The following INPPL1 variants were observed in gnomAD, a reference collection of about 807,000 sequenced individuals.
INPPL1 encodes phosphatidylinositol 3,4,5-trisphosphate 5-phosphatase 2.
INPPL1 carries 91 observed loss-of-function variants against 139.3 expected under a neutral mutation model. The ratio of observed to expected loss-of-function variants is 0.65; its 90% confidence interval spans 0.55 to 0.78. INPPL1 has a LOEUF of 0.78. INPPL1 is among the 30% of genes least tolerant of loss of function. The probability of loss-of-function intolerance (pLI) is 0.00; values close to 1 mark genes in which losing one functional copy is unlikely to be tolerated. For missense variants in INPPL1, 1,411 were observed against 1,665.6 expected, an observed-to-expected ratio of 0.85 and a Z score of 2.66; for synonymous variants, 719 against 686.6, an observed-to-expected ratio of 1.05 and a Z score of -0.74.
chr11:72,237,161 G>A lies in INPPL1; in HGVS notation c.2917G>A (p.Ala973Thr). Residue 973 changes from alanine (A) to threonine (T), a missense_variant, in exon 26 of 28, where the codon GCG becomes ACG. This residue lies in a region of INPPL1 where 438 missense variants were observed against 425.7 expected (regional missense o/e 1.03). Transcript: ENST00000298229. ...PEGAPEPEGVAAPPPKNSFNN... is the reference protein window; with the variant it reads ...PEGAPEPEGVTAPPPKNSFNN... Reference sequence around the variant, plus strand: ...GGGAGCTCCTGAACCAGAAGGGGTGGCGGCCCCCCCACCCAAGAACAGCTT... The same window carrying A: ...GGGAGCTCCTGAACCAGAAGGGGTGACGGCCCCCCCACCCAAGAACAGCTT... The A allele has an allele frequency of 6.2e-7, 1 of 1,600,924 alleles. No individual in the cohort carries two copies. Among genetic ancestry groups the A allele is most frequent in the African/African-American group, 1.3e-5 (1 of 74,758 alleles).
chr11:72,231,195 G>T lies in INPPL1; in HGVS notation c.1497+6G>T, dbSNP rs113752993. 1.5e-5 allele frequency: 24 copies of T among 1,607,694 alleles called. No individual in the cohort carries two copies. The highest frequency in any genetic ancestry group is 3.3e-5 in the South Asian group (3 of 90,728). ...CGGATCTGGATTACCGCCCGGTGAGGGGGGGTCATCTTGTCCAGGACCCTG... is the reference window on the plus strand; with the variant it reads ...CGGATCTGGATTACCGCCCGGTGAGTGGGGGTCATCTTGTCCAGGACCCTG... On this transcript the variant is annotated splice_donor_region_variant and intron_variant, in intron 12 of 27. Coordinates refer to ENST00000298229, the MANE Select transcript of INPPL1 (RefSeq NM_001567.4).
At position 72,235,388 on chromosome 11, in the gene INPPL1, A is replaced by G. The variant is rs559754144; in HGVS notation, c.2596A>G (p.Ile866Val). The G allele has an allele frequency of 1.2e-6, 2 of 1,614,016 alleles. No homozygotes were observed. Among genetic ancestry groups the G allele is most frequent in the Non-Finnish European group, 1.7e-6 (2 of 1,179,990 alleles). The stretch of plus-strand genomic sequence containing the variant: ...CCACCGTGGCGAGGAGACAGGCAAT[A>G]TCAGAGGCTCCATGAAGGTGCGGGT... ...LSHRGEETGN[I>V]RGSMKVRVPT... is the part of the protein sequence containing the mutation. Residue 866 changes from isoleucine to valine, a missense_variant, in exon 23 of 28, where the codon ATC becomes GTC. By Grantham distance (29) the Ile-to-Val change is conservative. Transcript: ENST00000298229. The surrounding 1 kb of genome is among the most constrained non-coding windows in gnomAD (Gnocchi z 4.9).
Position 72,225,069 on chromosome 11 carries a change from G to A in INPPL1, c.85G>A (p.Ala29Thr), listed in dbSNP as rs1948629791. The change falls in exon 1 of 28, where the codon GCG becomes ACG. Residue 29 changes from alanine to threonine, a missense_variant. Around this residue, in one of 5 missense-constraint regions of INPPL1, gnomAD observed 504 missense variants for 595.6 expected, o/e 0.85. Coordinates refer to ENST00000298229, the MANE Select transcript of INPPL1 (RefSeq NM_001567.4). ...PSWYHRDLSR[A>T]AAEELLARAG... Reference sequence around the variant, plus strand: ...CTGGTACCACCGCGACCTGAGCCGGGCGGCCGCGGAGGAGCTGCTGGCCCG... The same window carrying A: ...CTGGTACCACCGCGACCTGAGCCGGACGGCCGCGGAGGAGCTGCTGGCCCG... 8.1e-7 allele frequency: 1 copy of A among 1,230,542 alleles called. No individual in the cohort carries two copies. Among genetic ancestry groups the A allele is most frequent in the African/African-American group, 1.6e-5 (1 of 64,368 alleles). 76.2% of individuals were successfully genotyped at this position (1,230,542 alleles called of 1,614,324 possible).
rs752364906 is a variant in INPPL1, at chr11:72,234,131, C to T, written c.2213-150C>T. 7.2e-5 allele frequency: 46 copies of T among 638,682 alleles called. No homozygotes were observed. The highest frequency in any genetic ancestry group is 4.0e-4 in the Admixed American group (15 of 37,456). The allele number at this position is 638,682 out of a possible 1,614,324, so 39.6% of individuals were successfully genotyped here. On this transcript the variant is annotated intron_variant, in intron 19 of 27. Coordinates refer to ENST00000298229, the MANE Select transcript of INPPL1 (RefSeq NM_001567.4). This position sits in a 1 kb window ranked among gnomAD's most constrained non-coding sequence, Gnocchi z 4.2. ...CCAGGGTCTGGCCTCTGGAGATTCC[C>T]TGTTGGTGGCTTGGGACTGGGGAGG...
At position 72,229,527 on chromosome 11, in the gene INPPL1, C is replaced by T. The variant is rs760513714; in HGVS notation, c.722C>T (p.Ser241Leu). Residue 241 changes from serine (S) to leucine (L), a missense_variant, in exon 6 of 28, where the codon TCG (serine) becomes TTG (leucine). Around this residue, in one of 5 missense-constraint regions of INPPL1, gnomAD observed 504 missense variants for 595.6 expected, o/e 0.85. Coordinates refer to ENST00000298229, the MANE Select transcript of INPPL1 (RefSeq NM_001567.4). The part of the protein sequence containing the change: ...ILSKVFDQQS[S>L]PMVTRLLQQQ... ...TCCAAGGTGTTTGACCAGCAGAGCT[C>T]GCCCATGGTGACCCGCCTTTTGCAG... 1.9e-6 allele frequency: 3 copies of T among 1,613,994 alleles called. No individual in the cohort carries two copies. Among genetic ancestry groups the T allele is most frequent in the Non-Finnish European group, 2.5e-6 (3 of 1,180,022 alleles).
Position 72,238,297 on chromosome 11 carries a change from G to T in INPPL1, c.3721G>T (p.Val1241Leu). ...ITEEDLEEAGVQDPAHKRLLL... is the reference protein window; with the variant it reads ...ITEEDLEEAGLQDPAHKRLLL... ...CGAGGAGGACTTGGAGGAGGCTGGG[G>T]TGCAGGACCCGGCTCACAAGCGCCT... is the stretch of plus-strand genomic sequence containing the variant. Residue 1241 changes from valine to leucine, a missense_variant, in exon 28 of 28, where the codon GTG (valine) becomes TTG (leucine). By Grantham distance (32) the Val-to-Leu change is conservative. This residue lies in a region of INPPL1 where 438 missense variants were observed against 425.7 expected (regional missense o/e 1.03). Coordinates refer to ENST00000298229, the MANE Select transcript of INPPL1 (RefSeq NM_001567.4). 5 of 1,603,686 alleles carry T rather than the reference G, an allele frequency of 3.1e-6. No individual in the cohort carries two copies. The highest frequency in any genetic ancestry group is 1.1e-5 in the South Asian group (1 of 89,842).
Position 72,229,276 on chromosome 11 carries a change from C to T in INPPL1, c.659+46C>T, listed in dbSNP as rs543893035. 1.2e-5 allele frequency: 18 copies of T among 1,548,870 alleles called. No homozygotes were observed. In the African/African-American group the frequency reaches 2.4e-4, roughly 21 times the overall value. The stretch of plus-strand genomic sequence containing the variant: ...CATGTATTACACCCTTACCTCTGAC[C>T]TGTCCTCACCTGCTTCCCGGCTGCA... On this transcript the variant is annotated intron_variant, in intron 5 of 27. Coordinates refer to ENST00000298229, the MANE Select transcript of INPPL1 (RefSeq NM_001567.4).
chr11:72,228,945 G>T lies in INPPL1; in HGVS notation c.518+98G>T. ...GGAGGCCTTCTAAGACCCCACCAGG[G>T]ACCCCCACCCCACCTCAGCCCAGAG... is the stretch of plus-strand genomic sequence containing the variant. On this transcript the variant is annotated intron_variant, in intron 4 of 27. Transcript: ENST00000298229. The surrounding 1 kb of genome is among the most constrained non-coding windows in gnomAD (Gnocchi z 5.0). 1 of 1,519,318 alleles carries T rather than the reference G, an allele frequency of 6.6e-7. No homozygotes were observed. The highest frequency in any genetic ancestry group is 8.8e-7 in the Non-Finnish European group (1 of 1,133,222). The allele number at this position is 1,519,318 out of a possible 1,614,324, so 94.1% of individuals were successfully genotyped here.
chr11:72,229,192 C>G lies in INPPL1; in HGVS notation c.621C>G (p.Leu207=). 3 of 1,613,414 alleles carry G rather than the reference C, an allele frequency of 1.9e-6. No homozygotes were observed. The highest frequency in any genetic ancestry group is 2.5e-6 in the Non-Finnish European group (3 of 1,179,682). ...GTGGAGCCAGCCACCTGCCCCACCT[C>G]ACCCGTACCCTCGCTACCTCATGCC... is the stretch of plus-strand genomic sequence containing the variant. ...VRGGASHLPH[L]TRTLATSCRR... The change falls in exon 5 of 28, where the codon CTC becomes CTG. Residue 207 remains leucine, a synonymous_variant. Coordinates refer to ENST00000298229, the MANE Select transcript of INPPL1 (RefSeq NM_001567.4).
At position 72,238,178 on chromosome 11, in the gene INPPL1, G is replaced by A. The variant is rs747154185; in HGVS notation, c.3686+3G>A. The A allele has an allele frequency of 1.1e-5, 17 of 1,607,294 alleles. No individual in the cohort carries two copies. The highest frequency in any genetic ancestry group is 1.3e-5 in the African/African-American group (1 of 74,772). ...TGGGACGACCTGGAGTTTCTCAGGTGGGGGAGGGGCTGGCCCCGGGGGCGG... is the reference window on the plus strand; with the variant it reads ...TGGGACGACCTGGAGTTTCTCAGGTAGGGGAGGGGCTGGCCCCGGGGGCGG... On this transcript the variant is annotated splice_donor_region_variant and intron_variant, in intron 27 of 27. Transcript: ENST00000298229.
Position 72,234,165 on chromosome 11 carries a change from G to C in INPPL1, c.2213-116G>C, listed in dbSNP as rs1284012926. 1.3e-6 allele frequency: 1 copy of C among 771,094 alleles called. No individual in the cohort carries two copies. Among genetic ancestry groups the C allele is most frequent in the Non-Finnish European group, 2.2e-6 (1 of 452,734 alleles). The allele number at this position is 771,094 out of a possible 1,614,324, so 47.8% of individuals were successfully genotyped here. The stretch of plus-strand genomic sequence containing the variant: ...GCTTGGGACTGGGGAGGCCCCTCCT[G>C]GCCCTGCCTCCTTGCTCTGGACCCC... On this transcript the variant is annotated intron_variant, in intron 19 of 27. Coordinates refer to ENST00000298229, the MANE Select transcript of INPPL1 (RefSeq NM_001567.4). This position sits in a 1 kb window ranked among gnomAD's most constrained non-coding sequence, Gnocchi z 4.2.
chr11:72,237,867 C>T, intron 26 of INPPL1, 71 bp downstream of exon 26: 2 of 1,497,850 alleles, frequency 1.3e-6, no homozygotes, highest in Non-Finnish European at 1.8e-6. Flanking sequence ...CCTTTCACTC[C>T]ACCATTCAGC....
chr11:72,232,016 C>T (rs550996616), intron 13 of INPPL1, among the ~76,000 whole-genome samples: 1 of 152,234 alleles, frequency 6.6e-6, no homozygotes, highest in East Asian at 1.9e-4. Context: ...GGGCTCTGCT[C>T]ACACATACAG....
chr11:72,229,452 A>T lies in INPPL1; in HGVS notation c.660-13A>T. ...TCGGGGTGGGAGTTCTTTTGATCTGATGTCTTCCCTAGTGAGGTGGACAAG... is the reference window on the plus strand; with the variant it reads ...TCGGGGTGGGAGTTCTTTTGATCTGTTGTCTTCCCTAGTGAGGTGGACAAG... On this transcript the variant is annotated splice_polypyrimidine_tract_variant and intron_variant, in intron 5 of 27. Coordinates refer to ENST00000298229, the MANE Select transcript of INPPL1 (RefSeq NM_001567.4). The T allele has an allele frequency of 6.2e-7, 1 of 1,612,990 alleles. No homozygotes were observed. Among genetic ancestry groups the T allele is most frequent in the South Asian group, 1.1e-5 (1 of 91,052 alleles).
rs769905725 is a variant in INPPL1 at position 72,239,001 on chromosome 11, A to T, written c.*648A>T. The stretch of plus-strand genomic sequence containing the variant: ...TGCACGGCGGCAGGGTGGGGGAGGG[A>T]GGTTCCTCGCAGGTCTCAGCCCGGG... On this transcript the variant is annotated 3_prime_UTR_variant, in exon 28 of 28. Coordinates refer to ENST00000298229, the MANE Select transcript of INPPL1 (RefSeq NM_001567.4). 1 of 152,224 alleles carries T rather than the reference A, an allele frequency of 6.6e-6. No homozygotes were observed. Among genetic ancestry groups the T allele is most frequent in the Non-Finnish European group, 1.5e-5 (1 of 68,098 alleles). 9.4% of individuals were successfully genotyped at this position (152,224 alleles called of 1,614,324 possible). A position where few individuals can be genotyped will look rare whatever the true frequency, so the allele number is the denominator to read the frequency against.
chr11:72,233,027 C>T (rs774357574), intron 16 of INPPL1, 48 bp from the exon 17 acceptor site: 12 of 1,609,094 alleles, frequency 7.5e-6, no homozygotes, highest in Non-Finnish European at 1.0e-5. Flanking sequence ...CTTGCAGTAT[C>T]CCTGGGTGTC....
rs780987682 is a variant in INPPL1 at position 72,232,973 on chromosome 11, C to T, written c.1950C>T (p.Phe650=). The T allele has an allele frequency of 6.2e-7, 1 of 1,613,916 alleles. No individual in the cohort carries two copies. Among genetic ancestry groups the T allele is most frequent in the Non-Finnish European group, 8.5e-7 (1 of 1,179,834 alleles). ...EREKHKVFLR[F]SEEEISFPPT... ...AGAAGCACAAGGTCTTCCTTCGATT[C>T]AGTGAGTGTGGGCCTGGTAGGTGGT... Residue 650 remains phenylalanine (F), a splice_region_variant and synonymous_variant, in exon 16 of 28, where the codon TTC becomes TTT. Coordinates refer to ENST00000298229, the MANE Select transcript of INPPL1 (RefSeq NM_001567.4).
chr11:72,230,531 A>G (rs1948803892), intron 10 of INPPL1, 63 bp downstream of exon 10: 2 of 1,462,020 alleles, frequency 1.4e-6, no homozygotes, highest in Non-Finnish European at 9.6e-7. Flanking sequence ...GGTGCTTCCC[A>G]TTGGAGGGTA....
intron 14 of INPPL1, 123 bp from the exon 15 acceptor site, chr11:72,232,503 C>G: frequency 7.4e-7 from 1 of 1,342,748 alleles, no homozygotes; most frequent in Non-Finnish European, 1.0e-6. Flanking sequence ...TAACCTTGTC[C>G]CCAGGGGCCC....
Sources: allele counts gnomAD v4.1 joint callset (sites outside exome capture counted in the v4.1 genomes callset), GRCh38; gene constraint gnomAD v4.1.1; regional missense constraint gnomAD v4.1.1; non-coding constraint Gnocchi (gnomAD v3.1); transcripts MANE v1.5; gene names NCBI Gene and HGNC (gene_info 2026-07-23, HGNC 2026-07-21).